Variants in EDIL3 observed in about 807,000 individuals in gnomAD.
EDIL3 encodes EGF-like repeat and discoidin I-like domain-containing protein 3.
In EDIL3, 37 loss-of-function variants were observed where a neutral mutation model predicts 67.4. The observed-to-expected ratio is 0.55, with a 90% CI of 0.42 to 0.72. EDIL3 has a LOEUF of 0.72. EDIL3 is among the 30% of genes least tolerant of loss of function. The pLI is 0.00. For synonymous variants in EDIL3, 195 were observed against 196.3 expected (o/e 0.99, Z 0.05); for missense variants, 527 against 586.3 (o/e 0.90, Z 1.04).
At chr5:84,131,330 T>TA (rs1747963479) in intron 5 of EDIL3, among the ~76,000 whole-genome samples, 1 of 152,174 alleles carries the variant, frequency 6.6e-6, no homozygotes, top group African/African-American at 2.4e-5. Flanking sequence ...GACATATAGT[T>TA]ACAAATAGAA....
intron 1 of EDIL3, among the ~76,000 whole-genome samples, chr5:84,267,949 C>A (rs1268585390): frequency 6.6e-6 from 1 of 152,036 alleles, no homozygotes; most frequent in Non-Finnish European, 1.5e-5. Flanking sequence ...CCAGCCTGGG[C>A]AACATGTTGA....
chr5:84,279,581 T>C (rs1261432938), intron 1 of EDIL3, among the ~76,000 whole-genome samples: 1 of 152,208 alleles, frequency 6.6e-6, no homozygotes, highest in Non-Finnish European at 1.5e-5. Context: ...TTATTTACTT[T>C]GAATAATAAT....
chr5:84,221,306 C>A (rs957918233), intron 3 of EDIL3, among the ~76,000 whole-genome samples: 1 of 152,064 alleles, frequency 6.6e-6, no homozygotes, highest in East Asian at 1.9e-4. Context: ...CAACTACATT[C>A]ATAGATATGT....
chr5:84,038,527 C>G (rs1439911206), intron 9 of EDIL3, among the ~76,000 whole-genome samples: 2 of 152,220 alleles, frequency 1.3e-5, no homozygotes, highest in Non-Finnish European at 2.9e-5. Flanking sequence ...AGATGCCTGA[C>G]TATGTATTTG....
chr5:84,058,962 A>G (rs1464432373), intron 9 of EDIL3, among the ~76,000 whole-genome samples: 1 of 150,250 alleles, frequency 6.7e-6, no homozygotes, highest in Non-Finnish European at 1.5e-5. Flanking sequence ...TAGGAGAAAG[A>G]CTTACATTAT....
chr5:84,055,391 G>A (rs1309224907), intron 9 of EDIL3, among the ~76,000 whole-genome samples: 3 of 146,230 alleles, frequency 2.1e-5, no homozygotes, highest in Admixed American at 1.3e-4. Flanking sequence ...TCAGGACATA[G>A]GCATGGGCAA....
intron 9 of EDIL3, among the ~76,000 whole-genome samples, chr5:84,037,424 T>TA (rs1002561722): frequency 6.6e-6 from 1 of 152,152 alleles, no homozygotes; most frequent in African/African-American, 2.4e-5. Flanking sequence ...TTTGGAGACA[T>TA]AAAAAAGTAG....
In EDIL3 at chr5:83,952,930, C is replaced by T. The variant is rs144546461; in HGVS notation, c.1294-9362G>A. On this transcript the variant is annotated intron_variant, in intron 10 of 10. Transcript: ENST00000296591. The stretch of plus-strand genomic sequence containing the variant: ...ACACAGAAGTGATTTAAGCACTCAG[C>T]CATGTGACTTCTAAGCCAGACTCAT... Among the ~76,000 whole-genome samples the T allele has an allele frequency of 2.9e-3, 440 of 151,882 alleles. 4 individuals are homozygous for T. Among genetic ancestry groups the T allele is most frequent in the African/African-American group, 9.8e-3 (408 of 41,482 alleles).
At chr5:84,145,750 CAG>C (rs1478797995) in intron 4 of EDIL3, among the ~76,000 whole-genome samples, 3 of 152,064 alleles carry the variant, frequency 2.0e-5, no homozygotes, top group East Asian at 3.9e-4. Flanking sequence ...TAAATAAAAA[CAG>C]AGAGTGTCCA....
At chr5:84,144,139 A>C (rs936537009) in intron 4 of EDIL3, among the ~76,000 whole-genome samples, 1 of 152,096 alleles carries the variant, frequency 6.6e-6, no homozygotes, top group African/African-American at 2.4e-5. Flanking sequence ...ACTTTTTAAA[A>C]GGCATTCCAG....
chr5:83,950,915 T>C (rs569638157), intron 10 of EDIL3, among the ~76,000 whole-genome samples: 2 of 151,848 alleles, frequency 1.3e-5, no homozygotes, highest in Admixed American at 1.3e-4. Flanking sequence ...TCGTGCATGG[T>C]CATATATATA....
intron 2 of EDIL3, among the ~76,000 whole-genome samples, chr5:84,241,796 T>C (rs1744798154): frequency 6.6e-6 from 1 of 152,010 alleles, no homozygotes; most frequent in South Asian, 2.1e-4. Flanking sequence ...GCCTAGATGT[T>C]TGATTTCTGC....
At chr5:83,999,721 G>T (rs1745292593) in intron 9 of EDIL3, among the ~76,000 whole-genome samples, 2 of 152,112 alleles carry the variant, frequency 1.3e-5, no homozygotes, top group African/African-American at 4.8e-5. Context: ...GGAGTAGAAA[G>T]TTTATTCAAA....
intron 5 of EDIL3, among the ~76,000 whole-genome samples, chr5:84,130,614 G>A (rs1366848070): frequency 1.3e-5 from 2 of 152,082 alleles, no homozygotes; most frequent in African/African-American, 2.4e-5. Context: ...GCTGGATAGG[G>A]AAGAGTAGGA....
intron 4 of EDIL3, among the ~76,000 whole-genome samples, chr5:84,148,254 A>G (rs1440421340): frequency 6.6e-6 from 1 of 152,162 alleles, no homozygotes; most frequent in Non-Finnish European, 1.5e-5. Flanking sequence ...GGCTTTCTGT[A>G]CACACATACT....
At chr5:84,089,119 T>C (rs1747121112) in intron 6 of EDIL3, among the ~76,000 whole-genome samples, 1 of 152,146 alleles carries the variant, frequency 6.6e-6, no homozygotes, top group Non-Finnish European at 1.5e-5. Context: ...TCCCTAACTA[T>C]CTCTTTCAAC....
intron 9 of EDIL3, among the ~76,000 whole-genome samples, chr5:84,054,673 A>G (rs1746409330): frequency 6.6e-6 from 1 of 152,074 alleles, no homozygotes; most frequent in African/African-American, 2.4e-5. Context: ...TAACAGACAA[A>G]CAGAGAGCCA....
chr5:84,300,511 T>C (rs550973001), intron 1 of EDIL3, among the ~76,000 whole-genome samples: 1 of 152,328 alleles, frequency 6.6e-6, no homozygotes, highest in Admixed American at 6.5e-5. Context: ...ACTATCATGT[T>C]GCAATCTTAT....
At chr5:84,369,770 A>G (rs373390414) in intron 1 of EDIL3, among the ~76,000 whole-genome samples, 1 of 152,174 alleles carries the variant, frequency 6.6e-6, no homozygotes, top group East Asian at 1.9e-4. Flanking sequence ...GCATTTTACT[A>G]TAATAATTAA....
Sources: allele counts gnomAD v4.1 joint callset (sites outside exome capture counted in the v4.1 genomes callset), GRCh38; gene constraint gnomAD v4.1.1; transcripts MANE v1.5; gene names NCBI Gene and HGNC (gene_info 2026-07-23, HGNC 2026-07-21).